The following ASTN2 variants were observed in gnomAD, a reference collection of about 807,000 sequenced individuals.
ASTN2 encodes the protein astrotactin-2.
A neutral mutation model predicts 139.8 loss-of-function variants in ASTN2; 54 were observed. The ratio of observed to expected loss-of-function variants is 0.39; its 90% CI spans 0.31 to 0.48. The LOEUF (loss-of-function observed/expected upper bound fraction) is 0.48, where lower values mean the gene tolerates loss of function less well. Among genes scored for constraint, ASTN2 ranks in the 20% least tolerant of loss-of-function variants. The pLI is 0.95. For missense variants in ASTN2, 1,565 were observed against 1,725.1 expected (o/e 0.91, Z 1.64); for synonymous variants, 756 against 719.5 (o/e 1.05, Z -0.81).
chr9:116,697,229 T>C (rs1860907424), intron 16 of ASTN2: 1 of 161,494 alleles, frequency 6.2e-6, no homozygotes, highest in South Asian at 1.7e-4. Flanking sequence ...ATTCACCAAA[T>C]ATGAAAATAA....
At chr9:116,817,293 CAA>C (rs35720333) in intron 12 of ASTN2, among the ~76,000 whole-genome samples, 8 of 123,336 alleles carry the variant, frequency 6.5e-5, no homozygotes, top group Admixed American at 2.6e-4. Context: ...GACTCCATCT[CAA>C]AAAAAAAAAA....
At chr9:117,234,744 A>T (rs567866703) in intron 2 of ASTN2, among the ~76,000 whole-genome samples, 2 of 152,222 alleles carry the variant, frequency 1.3e-5, no homozygotes, top group South Asian at 4.1e-4. Context: ...GTCAAGGCTG[A>T]GAGAGGATGA....
At chr9:117,287,844 T>A (rs961583250) in intron 2 of ASTN2, among the ~76,000 whole-genome samples, 10 of 152,210 alleles carry the variant, frequency 6.6e-5, no homozygotes, top group Non-Finnish European at 1.3e-4. Context: ...AGCCTGGGTA[T>A]TAGGCACCAT....
At chr9:117,408,288 C>T (rs1273622844) in intron 1 of ASTN2, among the ~76,000 whole-genome samples, 4 of 152,070 alleles carry the variant, frequency 2.6e-5, no homozygotes, top group Non-Finnish European at 4.4e-5. Flanking sequence ...GTGTGGGCTT[C>T]AAGACAATTG....
intron 1 of ASTN2, among the ~76,000 whole-genome samples, chr9:117,336,777 C>T (rs1321558345): frequency 1.3e-5 from 2 of 152,114 alleles, no homozygotes; most frequent in Non-Finnish European, 2.9e-5. Context: ...ATGGCCCCAC[C>T]CCTTTGTTCT....
In ASTN2 at chr9:117,390,461, G is replaced by A. The variant is rs1027522641; in HGVS notation, c.442+24036C>T. ...CATCATTCCTGTATCATACAGAATC[G>A]TTTCACTGCTCTAAGAATCTTCTGT... On this transcript the variant is annotated intron_variant, in intron 1 of 22. Coordinates refer to ENST00000313400, the MANE Select transcript of ASTN2 (RefSeq NM_001365068.1). Among the ~76,000 whole-genome samples the A allele has an allele frequency of 7.9e-5, 12 of 152,078 alleles. No individual in the cohort carries two copies. In the South Asian group the frequency reaches 8.3e-4, roughly 11 times the overall value.
intron 20 of ASTN2, among the ~76,000 whole-genome samples, chr9:116,450,015 C>G (rs1183021030): frequency 6.6e-6 from 1 of 152,162 alleles, no homozygotes; most frequent in Non-Finnish European, 1.5e-5. Context: ...ACCCACAGAT[C>G]CATGAGCAAA....
At chr9:116,885,618 A>T (rs1833576134) in intron 10 of ASTN2, among the ~76,000 whole-genome samples, 1 of 152,224 alleles carries the variant, frequency 6.6e-6, no homozygotes, top group South Asian at 2.1e-4. Flanking sequence ...GTGGGCCAAG[A>T]TCATGCCACT....
At chr9:116,653,598 G>A (rs571679626) in intron 16 of ASTN2, among the ~76,000 whole-genome samples, 1 of 152,252 alleles carries the variant, frequency 6.6e-6, no homozygotes, top group South Asian at 2.1e-4. Flanking sequence ...CAGCTTCAAC[G>A]AAGCCTAGTA....
intron 3 of ASTN2, among the ~76,000 whole-genome samples, chr9:117,145,004 T>G (rs555761580): frequency 1.3e-5 from 2 of 152,078 alleles, no homozygotes; most frequent in East Asian, 3.9e-4. Context: ...AAAACTTTTA[T>G]TTTAGACTCA....
intron 10 of ASTN2, among the ~76,000 whole-genome samples, chr9:116,920,306 C>T (rs1467055487): frequency 6.6e-6 from 1 of 152,270 alleles, no homozygotes; most frequent in Admixed American, 6.5e-5. Context: ...CATAGAGGCC[C>T]TAAATAATTT....
At chr9:117,093,387 C>T (rs1408648945) in intron 5 of ASTN2, among the ~76,000 whole-genome samples, 1 of 152,158 alleles carries the variant, frequency 6.6e-6, no homozygotes, top group East Asian at 1.9e-4. Context: ...CATTTTACAA[C>T]TTAGGGAATT....
At chr9:116,927,959 G>A (rs1337594715) in intron 10 of ASTN2, among the ~76,000 whole-genome samples, 1 of 152,014 alleles carries the variant, frequency 6.6e-6, no homozygotes, top group Non-Finnish European at 1.5e-5. Context: ...TGTTCCCTCC[G>A]TATACCCTTT....
intron 2 of ASTN2, among the ~76,000 whole-genome samples, chr9:117,225,535 G>GTGTATATATATATATATATATA (rs372269409): frequency 1.3e-4 from 8 of 63,922 alleles, no homozygotes; most frequent in African/African-American, 3.5e-4. Flanking sequence ...CAAGCTGTAT[G>GTGTATATATATATATATATATA]TATATATATA....
At chr9:117,084,389 A>G (rs1828508474) in intron 5 of ASTN2, among the ~76,000 whole-genome samples, 1 of 152,196 alleles carries the variant, frequency 6.6e-6, no homozygotes, top group Non-Finnish European at 1.5e-5. Flanking sequence ...GAGTTACGGT[A>G]AGCAAAAATG....
intron 5 of ASTN2, among the ~76,000 whole-genome samples, chr9:117,070,813 G>A (rs1426123060): frequency 4.0e-5 from 6 of 151,546 alleles, no homozygotes; most frequent in African/African-American, 1.5e-4. Flanking sequence ...GGCTCCTGAG[G>A]CTTCTGCATT....
intron 6 of ASTN2, among the ~76,000 whole-genome samples, chr9:117,011,058 C>T (rs1462851047): frequency 1.3e-5 from 2 of 152,158 alleles, no homozygotes; most frequent in Non-Finnish European, 2.9e-5. Context: ...CTGAGTGCAG[C>T]ATCATGATGT....
At chr9:116,958,418 G>A (rs569984990) in intron 10 of ASTN2, among the ~76,000 whole-genome samples, 2 of 152,102 alleles carry the variant, frequency 1.3e-5, no homozygotes, top group African/African-American at 2.4e-5. Context: ...GTGAAACCCC[G>A]TCTCTACTAA....
intron 20 of ASTN2, among the ~76,000 whole-genome samples, chr9:116,476,266 T>G (rs1017100614): frequency 1.3e-5 from 2 of 152,206 alleles, no homozygotes; most frequent in African/African-American, 4.8e-5. Flanking sequence ...ATTAAGGAAT[T>G]AACTTAATCC....
Sources: gnomAD v4.1 joint callset for allele counts (sites outside exome capture counted in the v4.1 genomes callset) on GRCh38, gnomAD v4.1.1 for gene constraint, MANE v1.5 for transcripts, NCBI Gene and HGNC (gene_info 2026-07-23, HGNC 2026-07-21) for gene names.